The following TLL1 variants were observed in gnomAD, a reference collection of about 807,000 sequenced individuals.
The protein encoded by TLL1 is tolloid like 1.
Under a neutral mutation model 128.2 loss-of-function variants are expected in TLL1, and 49 were observed. The observed-to-expected ratio is 0.38, with a 90% CI of 0.30 to 0.48. TLL1 has a LOEUF of 0.48. Among genes scored for constraint, TLL1 ranks in the 20% least tolerant of loss-of-function variants. TLL1 has a pLI of 0.96. For synonymous variants in TLL1, 454 were observed against 418.8 expected, an observed-to-expected ratio of 1.08 and a Z score of -1.03; for missense variants, 1,123 against 1,242.0, an observed-to-expected ratio of 0.90 and a Z score of 1.44.
chr4:165,925,359 C>A (rs1472263955), intron 1 of TLL1, among the ~76,000 whole-genome samples: 1 of 152,092 alleles, frequency 6.6e-6, no homozygotes, highest in Admixed American at 6.5e-5. Flanking sequence ...GAAGTTGATT[C>A]CAACTCATAT....
Position 166,077,958 on chromosome 4 carries a change from G to T in TLL1, c.2370G>T (p.Trp790Cys). ...GTGGCCTCATCACCAGTCCCAACTG[G>T]CCAGACAAGTACCCAAGCAGGAAAG... ...SPSGLITSPNWPDKYPSRKEC... is the reference protein window; with the variant it reads ...SPSGLITSPNCPDKYPSRKEC... Residue 790 changes from tryptophan to cysteine, a missense_variant, in exon 18 of 21, where the codon TGG becomes TGT. By Grantham distance (215) the Trp-to-Cys change is radical. Around this residue, in one of 3 missense-constraint regions of TLL1, gnomAD observed 634 missense variants for 672.4 expected, o/e 0.94. Coordinates refer to ENST00000061240, the MANE Select transcript of TLL1 (RefSeq NM_012464.5). 1 of 1,613,620 alleles carries T rather than the reference G, an allele frequency of 6.2e-7. No homozygotes were observed.
intron 6 of TLL1, among the ~76,000 whole-genome samples, chr4:166,007,111 G>A (rs147601528): frequency 5.1e-4 from 77 of 151,562 alleles, no homozygotes; most frequent in Non-Finnish European, 9.0e-4. Flanking sequence ...ACAATCTTTG[G>A]GTACTTAAAT....
Position 165,994,513 on chromosome 4 carries a change from T to C in TLL1, c.494T>C (p.Val165Ala), listed in dbSNP as rs764328185. The change falls in exon 4 of 21, where the codon GTT becomes GCT. Residue 165 changes from valine to alanine, a missense_variant. Physicochemically the swap from Val to Ala is moderately conservative, Grantham distance 64. Coordinates refer to ENST00000061240, the MANE Select transcript of TLL1 (RefSeq NM_012464.5). ...RIWPGGVIPY[V>A]IGGNFTGSQR... ...TGGCCTGGAGGCGTTATTCCTTATG[T>C]TATAGGAGGAAACTTCACTGGTAAG... 3 of 1,614,002 alleles carry C rather than the reference T, an allele frequency of 1.9e-6. No individual in the cohort carries two copies. In the South Asian group the frequency reaches 3.3e-5, roughly 18 times the overall value.
At chr4:166,028,440 C>G (rs1306416302) in intron 9 of TLL1, among the ~76,000 whole-genome samples, 2 of 151,946 alleles carry the variant, frequency 1.3e-5, no homozygotes, top group African/African-American at 4.8e-5. Context: ...CTGATATGAC[C>G]TTGGAAGTGA....
intron 1 of TLL1, among the ~76,000 whole-genome samples, chr4:165,934,868 A>G (rs912180049): frequency 4.3e-4 from 65 of 152,358 alleles, no homozygotes; most frequent in Non-Finnish European, 3.7e-4. Flanking sequence ...TAAGCCAATC[A>G]TAGAAATTGG....
chr4:166,101,599 T>C lies in TLL1; in HGVS notation c.*723T>C, dbSNP rs940836623. Reference sequence around the variant, plus strand: ...TCTTTAAGTCTCAGAAAACGCCCAGTGAATTGGTAAACTTAGTTCTTTTTT... The same window carrying C: ...TCTTTAAGTCTCAGAAAACGCCCAGCGAATTGGTAAACTTAGTTCTTTTTT... On this transcript the variant is annotated 3_prime_UTR_variant, in exon 21 of 21. Transcript: ENST00000061240. 1.3e-5 allele frequency: 2 copies of C among 152,540 alleles called. No homozygotes were observed. The highest frequency in any genetic ancestry group is 4.8e-5 in the African/African-American group (2 of 41,442). The allele number at this position is 152,540 out of a possible 1,614,324, so 9.4% of individuals were successfully genotyped here. A position where few individuals can be genotyped will look rare whatever the true frequency, so the allele number is the denominator to read the frequency against.
At chr4:165,881,625 GCCT>G (rs761422209) in intron 1 of TLL1, among the ~76,000 whole-genome samples, 1 of 152,124 alleles carries the variant, frequency 6.6e-6, no homozygotes, top group Non-Finnish European at 1.5e-5. Context: ...TTAGTGCAGG[GCCT>G]CCTCCTTCTT....
rs1735300644 is a variant in TLL1 at position 165,965,006 on chromosome 4, C to T, written c.170-24375C>T. 2.0e-5 allele frequency among the ~76,000 whole-genome samples: 3 copies of T among 151,782 alleles called. No individual in the cohort carries two copies. The South Asian group carries it at 6.3e-4, about 32-fold the overall frequency. On this transcript the variant is annotated intron_variant, in intron 1 of 20. Transcript: ENST00000061240. Reference sequence around the variant, plus strand: ...TAAATAGATCCATCTATCTTAATTACCCATGTATAATTTTAAGCATTTATA... The same window carrying T: ...TAAATAGATCCATCTATCTTAATTATCCATGTATAATTTTAAGCATTTATA...
intron 19 of TLL1, among the ~76,000 whole-genome samples, chr4:166,095,413 T>TG (rs1560868407): frequency 6.7e-6 from 1 of 150,280 alleles, no homozygotes; most frequent in Non-Finnish European, 1.5e-5. Flanking sequence ...AAATCTTTAG[T>TG]AAAGAAAAAA....
chr4:166,100,696 C>A (rs778202680), intron 20 of TLL1, 46 bp from the exon 21 acceptor site: 15 of 1,609,992 alleles, frequency 9.3e-6, no homozygotes, highest in African/African-American at 1.3e-5. Context: ...AAAAGTGATT[C>A]GTTTTATTGC....
At chr4:165,957,716 T>TA (rs751150793) in intron 1 of TLL1, among the ~76,000 whole-genome samples, 5 of 143,744 alleles carry the variant, frequency 3.5e-5, no homozygotes, top group African/African-American at 1.4e-4. Context: ...TTTTTTTTTT[T>TA]AAATTATTAT....
intron 1 of TLL1, among the ~76,000 whole-genome samples, chr4:165,887,957 A>G (rs1731239301): frequency 6.6e-6 from 1 of 152,152 alleles, no homozygotes; most frequent in South Asian, 2.1e-4. Flanking sequence ...AGTTGTTGCT[A>G]TTATGCAGAA....
intron 16 of TLL1, among the ~76,000 whole-genome samples, chr4:166,074,025 A>G (rs756708172): frequency 2.6e-5 from 4 of 152,090 alleles, no homozygotes; most frequent in African/African-American, 4.8e-5. Context: ...CAGGCCAGCT[A>G]TGGAACGACA....
intron 6 of TLL1, among the ~76,000 whole-genome samples, chr4:166,004,740 G>A (rs1285417325): frequency 6.6e-6 from 1 of 152,116 alleles, no homozygotes; most frequent in Non-Finnish European, 1.5e-5. Flanking sequence ...CATTATGGTT[G>A]ATGGTAAGTT....
chr4:166,045,705 C>T (rs1001872173), intron 12 of TLL1, among the ~76,000 whole-genome samples: 1 of 152,100 alleles, frequency 6.6e-6, no homozygotes, highest in African/African-American at 2.4e-5. Context: ...TGGTCTTTGG[C>T]TCCTCCTCAC....
chr4:165,998,644 A>T (rs988589956), intron 5 of TLL1, among the ~76,000 whole-genome samples: 2 of 151,886 alleles, frequency 1.3e-5, no homozygotes, highest in African/African-American at 2.4e-5. Flanking sequence ...ATACAAAAAA[A>T]AAATTAGCCG....
intron 1 of TLL1, among the ~76,000 whole-genome samples, chr4:165,879,890 C>A (rs1221056365): frequency 6.6e-6 from 1 of 151,980 alleles, no homozygotes; most frequent in Non-Finnish European, 1.5e-5. Context: ...AGTTTGGAAA[C>A]CTCTTAACAG....
chr4:165,886,564 G>A (rs1373520163), intron 1 of TLL1, among the ~76,000 whole-genome samples: 2 of 152,116 alleles, frequency 1.3e-5, no homozygotes, highest in South Asian at 2.1e-4. Flanking sequence ...TGGGGGATTA[G>A]TTCCAGCACC....
At chr4:166,083,591 C>A (rs1741380874) in intron 18 of TLL1, among the ~76,000 whole-genome samples, 1 of 123,098 alleles carries the variant, frequency 8.1e-6, no homozygotes, top group Admixed American at 9.7e-5. Context: ...CTCTCTGCTT[C>A]TTTAAGTTTG....
Sources: gnomAD v4.1 joint callset for allele counts (sites outside exome capture counted in the v4.1 genomes callset) on GRCh38, gnomAD v4.1.1 for gene constraint, gnomAD v4.1.1 regional missense constraint, MANE v1.5 for transcripts, NCBI Gene and HGNC (gene_info 2026-07-23, HGNC 2026-07-21) for gene names.